PARVA: variants seen among roughly 807,000 people sequenced by gnomAD.
The protein encoded by PARVA is alpha-parvin.
Under a neutral mutation model 52.6 loss-of-function variants are expected in PARVA, and 25 were observed. That is an observed-to-expected ratio of 0.48 (90% CI 0.35 to 0.66). The LOEUF is 0.66. Ranked by LOEUF, PARVA falls within the 30% of genes least tolerant of loss-of-function variation. The pLI is 0.01. For synonymous variants in PARVA, 185 were observed against 179.1 expected (o/e 1.03, Z -0.26); for missense variants, 373 against 450.9 (o/e 0.83, Z 1.56).
intron 1 of PARVA, among the ~76,000 whole-genome samples, chr11:12,390,784 A>T (rs1939647852): frequency 6.6e-6 from 1 of 152,176 alleles, no homozygotes; most frequent in Admixed American, 6.5e-5. Flanking sequence ...GGTGAGGCAG[A>T]CCTGCAGATG....
At chr11:12,477,554 A>G (rs1487726638) in intron 3 of PARVA, among the ~76,000 whole-genome samples, 1 of 152,172 alleles carries the variant, frequency 6.6e-6, no homozygotes, top group Non-Finnish European at 1.5e-5. Flanking sequence ...CTGTGCACAC[A>G]CTGGGTTATG....
chr11:12,475,862 C>T (rs1172337541), intron 3 of PARVA, among the ~76,000 whole-genome samples: 1 of 152,178 alleles, frequency 6.6e-6, no homozygotes, highest in Non-Finnish European at 1.5e-5. Context: ...GTGCTGCATC[C>T]ATAGATGACT....
In PARVA at chr11:12,377,637, T is replaced by C. The variant is rs547160449; in HGVS notation, c.-11T>C. ...GCGTCCCGACCGGCCCGCGGCAGCC[T>C]GCGCCGCGCCATGGCCACCTCCCCG... On this transcript the variant is annotated 5_prime_UTR_variant, in exon 1 of 13. Coordinates refer to ENST00000334956, the MANE Select transcript of PARVA (RefSeq NM_018222.5). The C allele has an allele frequency of 2.0e-5, 31 of 1,566,088 alleles. No individual in the cohort carries two copies. In the African/African-American group the frequency reaches 3.7e-4, roughly 19 times the overall value.
chr11:12,392,333 A>G (rs1436068632), intron 1 of PARVA, among the ~76,000 whole-genome samples: 1 of 145,972 alleles, frequency 6.9e-6, no homozygotes, highest in Non-Finnish European at 1.5e-5. Flanking sequence ...CAGTGGCGCG[A>G]TGTCAGCTCA....
chr11:12,428,746 C>T (rs1940273447), intron 1 of PARVA, among the ~76,000 whole-genome samples: 1 of 152,142 alleles, frequency 6.6e-6, no homozygotes, highest in Non-Finnish European at 1.5e-5. Context: ...TGGTGCTCAC[C>T]CCACGCAGGC....
chr11:12,514,238 T>G lies in PARVA; in HGVS notation c.867+173T>G, dbSNP rs139493147. Reference sequence around the variant, plus strand: ...GTCTCTGTGGATTTTTTCCAACTTTTTATTATGAAAATTACAAGAATGAAT... The same window carrying G: ...GTCTCTGTGGATTTTTTCCAACTTTGTATTATGAAAATTACAAGAATGAAT... On this transcript the variant is annotated intron_variant, in intron 10 of 12. Transcript: ENST00000334956. 2.4e-4 allele frequency among the ~76,000 whole-genome samples: 37 copies of G among 152,332 alleles called. No homozygotes were observed. In the East Asian group the frequency reaches 6.8e-3, roughly 28 times the overall value.
At chr11:12,476,265 C>T (rs1375850802) in intron 3 of PARVA, among the ~76,000 whole-genome samples, 2 of 152,018 alleles carry the variant, frequency 1.3e-5, no homozygotes, top group East Asian at 1.9e-4. Context: ...GAGGGAGGTT[C>T]GATTTTCTAG....
At position 12,448,464 on chromosome 11, in the gene PARVA, T is replaced by G. The variant is rs1337248929; in HGVS notation, c.137-25281T>G. Among the ~76,000 whole-genome samples, 3 of 152,210 alleles carry G rather than the reference T, an allele frequency of 2.0e-5. No individual in the cohort carries two copies. The South Asian group carries it at 6.2e-4, about 32-fold the overall frequency. On this transcript the variant is annotated intron_variant, in intron 1 of 12. Transcript: ENST00000334956. ...GCAGGCTTAGGACACCCAGGAGTTG[T>G]AGCTCCAGACATTGGGTAAGGGTGC...
chr11:12,447,626 G>C (rs1420090877), intron 1 of PARVA, among the ~76,000 whole-genome samples: 1 of 152,166 alleles, frequency 6.6e-6, no homozygotes, highest in African/African-American at 2.4e-5. Context: ...TTCATCTTCT[G>C]TGTGACCTGA....
At chr11:12,456,493 G>A (rs1940698611) in intron 1 of PARVA, among the ~76,000 whole-genome samples, 1 of 151,960 alleles carries the variant, frequency 6.6e-6, no homozygotes, top group Admixed American at 6.6e-5. Context: ...CCATCCTACA[G>A]ACTTGCAAAA....
chr11:12,409,217 T>A (rs80033432), intron 1 of PARVA, among the ~76,000 whole-genome samples: 2,496 of 152,276 alleles, frequency 0.016, 64 homozygotes, highest in African/African-American at 0.057. Context: ...TATATATATA[T>A]AATATGTAGT....
At chr11:12,381,099 C>T (rs551493718) in intron 1 of PARVA, among the ~76,000 whole-genome samples, 40 of 152,320 alleles carry the variant, frequency 2.6e-4, no homozygotes, top group Middle Eastern at 3.4e-3. Flanking sequence ...CTGCTTGCTG[C>T]GGCATATGGT....
intron 1 of PARVA, among the ~76,000 whole-genome samples, chr11:12,400,895 G>A (rs1021488034): frequency 8.5e-5 from 13 of 152,304 alleles, no homozygotes; most frequent in African/African-American, 3.1e-4. Context: ...TACTAGCAGT[G>A]TGGGCAAAGG....
intron 1 of PARVA, among the ~76,000 whole-genome samples, chr11:12,433,610 T>G (rs1940346072): frequency 6.6e-6 from 1 of 152,210 alleles, no homozygotes; most frequent in Admixed American, 6.5e-5. Flanking sequence ...TCACAAAGCT[T>G]GCAGTTTCAC....
chr11:12,378,376 G>A (rs1451901958), intron 1 of PARVA, among the ~76,000 whole-genome samples: 1 of 152,154 alleles, frequency 6.6e-6, no homozygotes, highest in Non-Finnish European at 1.5e-5. Context: ...GGTGGACATC[G>A]AGTGTTTGTT....
chr11:12,500,807 G>A (rs564266660), intron 5 of PARVA, among the ~76,000 whole-genome samples: 24 of 146,290 alleles, frequency 1.6e-4, no homozygotes, highest in African/African-American at 5.5e-4. Context: ...AAGAAAAAAA[G>A]GGGGAAAAAA....
At chr11:12,384,880 T>G (rs563776870) in intron 1 of PARVA, among the ~76,000 whole-genome samples, 1 of 152,266 alleles carries the variant, frequency 6.6e-6, no homozygotes, top group South Asian at 2.1e-4. Context: ...TTGTAAAACT[T>G]GGGCCTTTAC....
chr11:12,517,142 G>T (rs934366567), intron 10 of PARVA, among the ~76,000 whole-genome samples: 1 of 152,070 alleles, frequency 6.6e-6, no homozygotes, highest in South Asian at 2.1e-4. Flanking sequence ...CTCAGGCTCT[G>T]TCCCCTCCAG....
At chr11:12,512,630 A>G (rs1941516616) in intron 8 of PARVA, among the ~76,000 whole-genome samples, 3 of 152,210 alleles carry the variant, frequency 2.0e-5, no homozygotes, top group Admixed American at 2.0e-4. Context: ...ATTTTGAAAT[A>G]TTTCAATCAT....
Sources: allele counts gnomAD v4.1 joint callset (sites outside exome capture counted in the v4.1 genomes callset), GRCh38; gene constraint gnomAD v4.1.1; transcripts MANE v1.5; gene names NCBI Gene and HGNC (gene_info 2026-07-23, HGNC 2026-07-21).